Variants in CAST observed in about 807,000 individuals in gnomAD.
CAST encodes calpastatin.
Under a neutral mutation model 119.6 loss-of-function variants are expected in CAST, and 76 were observed. The observed-to-expected ratio is 0.64, with a 90% CI of 0.53 to 0.77. The LOEUF (loss-of-function observed/expected upper bound fraction) is 0.77. Ranked by LOEUF, CAST falls within the 30% of genes least tolerant of loss-of-function variation. CAST has a pLI of 0.00. For synonymous variants in CAST, 319 were observed against 331.6 expected, an observed-to-expected ratio of 0.96 and a Z score of 0.41; for missense variants, 953 against 946.5, an observed-to-expected ratio of 1.01 and a Z score of -0.09.
At chr5:96,072,339 G>A in the CAST span, among the ~76,000 whole-genome samples, 29 of 152,304 alleles carry the variant, frequency 1.9e-4, no homozygotes, top group Admixed American at 3.3e-4. Context: ...GAGGAAGGAA[G>A]CCAGCCAAAG....
At chr5:96,556,753 G>A (rs1273430244) in intron 1 of CAST, among the ~76,000 whole-genome samples, 1 of 152,344 alleles carries the variant, frequency 6.6e-6, no homozygotes, top group South Asian at 2.1e-4. Context: ...TGAAAGTGAT[G>A]GGGAGAATGG....
chr5:96,357,329 C>A, the CAST span, among the ~76,000 whole-genome samples: 2 of 152,162 alleles, frequency 1.3e-5, no homozygotes, highest in Non-Finnish European at 2.9e-5. Context: ...TTATTTCTTT[C>A]TCTTGCCCGA....
At chr5:96,519,005 G>C in the CAST span, among the ~76,000 whole-genome samples, 6 of 152,282 alleles carry the variant, frequency 3.9e-5, no homozygotes, top group South Asian at 4.1e-4. Flanking sequence ...AGGATGTAGT[G>C]AGCTGAGATC....
At chr5:96,038,485 G>A in the CAST span, among the ~76,000 whole-genome samples, 121 of 151,846 alleles carry the variant, frequency 8.0e-4, no homozygotes, top group Non-Finnish European at 1.3e-3. Flanking sequence ...ATTTGTCACC[G>A]ACATTAGGTA....
At chr5:96,089,689 A>G in the CAST span, among the ~76,000 whole-genome samples, 2 of 152,236 alleles carry the variant, frequency 1.3e-5, no homozygotes, top group Non-Finnish European at 2.9e-5. Flanking sequence ...CTTTCTTGAC[A>G]TACTATTACC....
chr5:96,062,939 G>A, the CAST span, among the ~76,000 whole-genome samples: 3 of 152,030 alleles, frequency 2.0e-5, no homozygotes, highest in African/African-American at 4.8e-5. Flanking sequence ...GAAGAGGGTC[G>A]AGATACAGTA....
At chr5:96,341,574 AC>A in the CAST span, among the ~76,000 whole-genome samples, 2 of 151,918 alleles carry the variant, frequency 1.3e-5, no homozygotes, top group Non-Finnish European at 2.9e-5. Flanking sequence ...TCCTTAAACC[AC>A]CTCTATTATC....
the CAST span, chr5:96,412,243 C>T: frequency 8.2e-7 from 1 of 1,220,252 alleles, no homozygotes; most frequent in South Asian, 1.2e-5. Context: ...TCCATGTAAC[C>T]TAAGTGTTCT....
chr5:96,291,616 A>G, the CAST span, among the ~76,000 whole-genome samples: 7 of 151,946 alleles, frequency 4.6e-5, no homozygotes, highest in African/African-American at 9.7e-5. Flanking sequence ...TCTTAATTCT[A>G]TGCCAATCTT....
rs1189984502 is a variant in CAST at position 96,762,368 on chromosome 5, C to G, written c.1928C>G (p.Thr643Ser). 6.3e-7 allele frequency: 1 copy of G among 1,588,182 alleles called. No individual in the cohort carries two copies. Among genetic ancestry groups the G allele is most frequent in the South Asian group, 1.2e-5 (1 of 86,610 alleles). Residue 643 changes from threonine (T) to serine (S), a missense_variant, in exon 25 of 32, where the codon ACC becomes AGC. Physicochemically the swap from Thr to Ser is moderately conservative, Grantham distance 58. Coordinates refer to ENST00000675179, the MANE Select transcript of CAST (RefSeq NM_001750.7). ...TTQAGAPPRD[T>S]SQSDKDLDDA... Reference sequence around the variant, plus strand: ...CAAGCTGGAGCCCCACCCCGTGATACCTCGGTAAGCAGCACATCTTATTTG... The same window carrying G: ...CAAGCTGGAGCCCCACCCCGTGATAGCTCGGTAAGCAGCACATCTTATTTG...
At chr5:96,360,240 T>G in the CAST span, among the ~76,000 whole-genome samples, 2 of 152,108 alleles carry the variant, frequency 1.3e-5, no homozygotes, top group African/African-American at 4.8e-5. Context: ...TCCTCTAACA[T>G]TTTTTCAAGG....
intron 1 of CAST, among the ~76,000 whole-genome samples, chr5:96,557,590 C>A (rs1325162122): frequency 6.6e-6 from 1 of 152,116 alleles, no homozygotes; most frequent in African/African-American, 2.4e-5. Flanking sequence ...TTTAAACCAA[C>A]AAAGATCAAA....
the CAST span, among the ~76,000 whole-genome samples, chr5:96,504,345 A>C: frequency 2.6e-5 from 4 of 151,878 alleles, no homozygotes; most frequent in African/African-American, 7.3e-5. Context: ...TGATCCTGTC[A>C]AAAAAAAGTC....
At chr5:96,706,511 A>G (rs368941502) in intron 3 of CAST, among the ~76,000 whole-genome samples, 2 of 152,222 alleles carry the variant, frequency 1.3e-5, no homozygotes, top group Admixed American at 6.5e-5. Flanking sequence ...GGGAATATAC[A>G]GTAGAAATAT....
At chr5:96,743,661 G>T (rs140027189) in intron 16 of CAST, 1 of 1,613,302 alleles carries the variant, frequency 6.2e-7, no homozygotes, top group South Asian at 1.1e-5. Flanking sequence ...TTCTTGGAGG[G>T]CTCACCGGCC....
chr5:96,447,094 A>G, the CAST span, among the ~76,000 whole-genome samples: 1 of 152,240 alleles, frequency 6.6e-6, no homozygotes, highest in Non-Finnish European at 1.5e-5. Flanking sequence ...CCTGGCTCCC[A>G]TCGGAGAATT....
At chr5:96,360,293 T>C in the CAST span, among the ~76,000 whole-genome samples, 1 of 152,102 alleles carries the variant, frequency 6.6e-6, no homozygotes, top group Admixed American at 6.5e-5. Flanking sequence ...CTCCTTTAGC[T>C]CAGAGGAGTT....
chr5:96,731,650 C>T (rs1294170651), intron 9 of CAST, among the ~76,000 whole-genome samples: 1 of 150,662 alleles, frequency 6.6e-6, no homozygotes, highest in African/African-American at 2.5e-5. Context: ...TATCCCTCCC[C>T]CCTCTCCCCA....
chr5:96,586,754 T>C (rs569365948), intron 1 of CAST, among the ~76,000 whole-genome samples: 120 of 152,348 alleles, frequency 7.9e-4, no homozygotes, highest in African/African-American at 2.8e-3. Context: ...CCAGTATAAA[T>C]TACATACCTA....
Sources: allele counts gnomAD v4.1 joint callset (sites outside exome capture counted in the v4.1 genomes callset), GRCh38; gene constraint gnomAD v4.1.1; transcripts MANE v1.5; gene names NCBI Gene and HGNC (gene_info 2026-07-23, HGNC 2026-07-21).